Variants in C8orf89 observed in about 807,000 individuals in gnomAD.
C8orf89 encodes the protein putative uncharacterized protein C8orf89.
A neutral mutation model predicts 15.8 loss-of-function variants in C8orf89; 14 were observed. The observed-to-expected ratio is 0.89, with a 90% CI of 0.59 to 1.39. The LOEUF is 1.39. Among genes scored for constraint, C8orf89 ranks in the 40% most tolerant of loss-of-function variants. The pLI is 0.00. For synonymous variants in C8orf89, 55 were observed against 62.2 expected, an observed-to-expected ratio of 0.88 and a Z score of 0.54; for missense variants, 181 against 184.5, an observed-to-expected ratio of 0.98 and a Z score of 0.11.
chr8:73,281,532 T>C, the C8orf89 span, among the ~76,000 whole-genome samples: 1 of 152,188 alleles, frequency 6.6e-6, no homozygotes, highest in Non-Finnish European at 1.5e-5. Context: ...TGGGAGGTAG[T>C]GGGGAGGAGT....
intron 3 of C8orf89, among the ~76,000 whole-genome samples, chr8:73,244,285 A>G: frequency 6.6e-6 from 1 of 151,712 alleles, no homozygotes; most frequent in Admixed American, 6.6e-5. Context: ...CAACAACACT[A>G]TGAAATAGTC....
At position 73,254,168 on chromosome 8, in the gene C8orf89, G is replaced by T. The variant is rs554671264; in HGVS notation, c.281+2805C>A. On this transcript the variant is annotated intron_variant, in intron 2 of 3. Transcript: ENST00000624510. Reference sequence around the variant, plus strand: ...GAGTTGTTGAATTTTGTCAAAGGCCGTTTCTGCATCTATTGAGATAATCAT... The same window carrying T: ...GAGTTGTTGAATTTTGTCAAAGGCCTTTTCTGCATCTATTGAGATAATCAT... Among the ~76,000 whole-genome samples the T allele has an allele frequency of 3.9e-5, 6 of 152,044 alleles. No homozygotes were observed. In the East Asian group the frequency reaches 5.8e-4, roughly 15 times the overall value.
At chr8:73,264,997 GC>G in the C8orf89 span, among the ~76,000 whole-genome samples, 3 of 152,116 alleles carry the variant, frequency 2.0e-5, no homozygotes, top group Admixed American at 6.5e-5. Context: ...GTCATAGGTG[GC>G]TACTGAGCAC....
chr8:73,256,748 A>AAAAAAAAAAAAAAAAAAC (rs1813398287), intron 2 of C8orf89, among the ~76,000 whole-genome samples: 1 of 150,898 alleles, frequency 6.6e-6, no homozygotes, highest in African/African-American at 2.4e-5. Flanking sequence ...AAAAAAAAAA[A>AAAAAAAAAAAAAAAAAAC]AGCCCTTAAA....
intron 3 of C8orf89, among the ~76,000 whole-genome samples, chr8:73,247,486 T>C (rs1282640979): frequency 6.6e-6 from 1 of 152,206 alleles, no homozygotes; most frequent in African/African-American, 2.4e-5. Flanking sequence ...TCAAATGGCA[T>C]TTCTGTTTTT....
At chr8:73,277,736 C>T in the C8orf89 span, 3 of 746,298 alleles carry the variant, frequency 4.0e-6, no homozygotes, top group Non-Finnish European at 7.6e-6. Flanking sequence ...ACACCCAGCT[C>T]GTCCACATGG....
intron 3 of C8orf89, among the ~76,000 whole-genome samples, chr8:73,242,940 G>A (rs1355849262): frequency 6.6e-6 from 1 of 152,096 alleles, no homozygotes; most frequent in Admixed American, 6.5e-5. Flanking sequence ...TGAAGAAAAT[G>A]TGGTACATAT....
the C8orf89 span, among the ~76,000 whole-genome samples, chr8:73,278,756 C>G: frequency 2.0e-5 from 3 of 152,192 alleles, no homozygotes; most frequent in Middle Eastern, 0.01. Flanking sequence ...TAAATCCATG[C>G]TATTAAAAAA....
At chr8:73,252,658 A>G (rs1394660357) in intron 2 of C8orf89, among the ~76,000 whole-genome samples, 1 of 152,154 alleles carries the variant, frequency 6.6e-6, no homozygotes, top group East Asian at 1.9e-4. Context: ...AAAAAGAACA[A>G]TTGTATTAGC....
At chr8:73,277,495 A>T in the C8orf89 span, 1 of 829,520 alleles carries the variant, frequency 1.2e-6, no homozygotes, top group Non-Finnish European at 2.0e-6. Flanking sequence ...TGATGCCACC[A>T]CGAAAACTTC....
intron 2 of C8orf89, among the ~76,000 whole-genome samples, chr8:73,254,392 C>A (rs534028577): frequency 6.6e-6 from 1 of 152,216 alleles, no homozygotes; most frequent in East Asian, 1.9e-4. Context: ...GTCTAAAATT[C>A]TCTTTTTTGG....
At chr8:73,269,370 G>A in the C8orf89 span, among the ~76,000 whole-genome samples, 136 of 152,260 alleles carry the variant, frequency 8.9e-4, no homozygotes, top group African/African-American at 3.1e-3. Context: ...CTCCTAAAAT[G>A]AAAAGATGAA....
the C8orf89 span, among the ~76,000 whole-genome samples, chr8:73,267,282 C>T: frequency 1.3e-5 from 2 of 152,096 alleles, no homozygotes; most frequent in African/African-American, 2.4e-5. Flanking sequence ...ACAATTATAA[C>T]AATGTACTAT....
At chr8:73,248,144 A>G (rs1813166503) in intron 3 of C8orf89, among the ~76,000 whole-genome samples, 1 of 152,170 alleles carries the variant, frequency 6.6e-6, no homozygotes, top group Non-Finnish European at 1.5e-5. Context: ...GTCCAGTTTT[A>G]ATCTTCTGCA....
Position 73,255,642 on chromosome 8 carries a change from A to G in C8orf89, c.281+1331T>C, listed in dbSNP as rs201268353. ...CCAAAGGACTATAAATCATGCTGCT[A>G]TAAAGACACATGCACACGTATGTTT... On this transcript the variant is annotated intron_variant, in intron 2 of 3. Transcript: ENST00000624510. 5.0e-3 allele frequency among the ~76,000 whole-genome samples: 748 copies of G among 149,330 alleles called. 34 individuals carry two copies. The East Asian group carries it at 0.11, about 22-fold the overall frequency.
At chr8:73,285,410 A>G in the C8orf89 span, among the ~76,000 whole-genome samples, 1 of 152,134 alleles carries the variant, frequency 6.6e-6, no homozygotes, top group African/African-American at 2.4e-5. Flanking sequence ...TGTTTCTGCC[A>G]GCTCCCATCA....
At chr8:73,249,460 T>C (rs1335978879) in intron 3 of C8orf89, among the ~76,000 whole-genome samples, 1 of 152,122 alleles carries the variant, frequency 6.6e-6, no homozygotes, top group Non-Finnish European at 1.5e-5. Flanking sequence ...GAATACCTCA[T>C]CCTCAAATTT....
the C8orf89 span, among the ~76,000 whole-genome samples, chr8:73,282,913 C>A: frequency 7.2e-5 from 11 of 151,990 alleles, no homozygotes; most frequent in African/African-American, 2.7e-4. Flanking sequence ...AGAGGACATG[C>A]TAGTCTGGAG....
chr8:73,278,622 A>G, the C8orf89 span, among the ~76,000 whole-genome samples: 1 of 152,200 alleles, frequency 6.6e-6, no homozygotes, highest in East Asian at 1.9e-4. Flanking sequence ...ATTTTTCCAA[A>G]AATGTTGAAA....
Sources: gnomAD v4.1 joint callset for allele counts (sites outside exome capture counted in the v4.1 genomes callset) on GRCh38, gnomAD v4.1.1 for gene constraint, MANE v1.5 for transcripts, NCBI Gene and HGNC (gene_info 2026-07-23, HGNC 2026-07-21) for gene names.